The following NTM variants were observed in gnomAD, a reference collection of about 807,000 sequenced individuals.
NTM encodes IgLON family member 2.
Under a neutral mutation model 42.1 loss-of-function variants are expected in NTM, and 13 were observed. The observed-to-expected ratio is 0.31, with a 90% confidence interval of 0.20 to 0.49. The LOEUF (loss-of-function observed/expected upper bound fraction) is 0.49. Ranked by LOEUF, NTM falls within the 20% of genes least tolerant of loss-of-function variation. The probability of loss-of-function intolerance (pLI) is 0.99; values close to 1 mark genes in which losing one functional copy is unlikely to be tolerated. For synonymous variants in NTM, 187 were observed against 179.2 expected (o/e 1.04, Z -0.35); for missense variants, 373 against 452.8 (o/e 0.82, Z 1.60).
At chr11:131,389,024 A>AGAAAAGAAAAGAAAAG (rs1555097640) in intron 1 of NTM, among the ~76,000 whole-genome samples, 13 of 89,908 alleles carry the variant, frequency 1.4e-4, no homozygotes, top group African/African-American at 4.6e-4. Context: ...AAAAAAAAAA[A>AGAAAAGAAAAGAAAAG]AAAAGAAAAG....
chr11:131,891,305 C>T (rs896193238), intron 1 of NTM, among the ~76,000 whole-genome samples: 6 of 151,990 alleles, frequency 3.9e-5, no homozygotes, highest in Admixed American at 2.0e-4. Flanking sequence ...GGAAGGGTTG[C>T]GGGGGCAGTC....
intron 1 of NTM, among the ~76,000 whole-genome samples, chr11:131,429,509 A>G (rs1948477622): frequency 6.6e-6 from 1 of 152,198 alleles, no homozygotes; most frequent in South Asian, 2.1e-4. Flanking sequence ...GCTAATGATA[A>G]TGATGCTTGT....
At chr11:132,149,799 G>A (rs552790951) in intron 3 of NTM, among the ~76,000 whole-genome samples, 10 of 152,238 alleles carry the variant, frequency 6.6e-5, no homozygotes, top group East Asian at 1.9e-4. Flanking sequence ...GGGGGAAGGC[G>A]GCAGAAAGGA....
At chr11:131,755,338 G>T (rs1359064623) in intron 1 of NTM, among the ~76,000 whole-genome samples, 1 of 152,146 alleles carries the variant, frequency 6.6e-6, no homozygotes, top group African/African-American at 2.4e-5. Flanking sequence ...TGGGGGTGAA[G>T]ACTGGCAAGG....
chr11:132,296,017 T>C (rs192582679), intron 4 of NTM, among the ~76,000 whole-genome samples: 22 of 152,164 alleles, frequency 1.4e-4, no homozygotes, highest in Middle Eastern at 3.4e-3. Context: ...GGTTTGTTGA[T>C]TGAAGGTGAG....
At chr11:131,924,960 C>T (rs2057746864) in intron 2 of NTM, among the ~76,000 whole-genome samples, 2 of 152,194 alleles carry the variant, frequency 1.3e-5, no homozygotes, top group Non-Finnish European at 1.5e-5. Flanking sequence ...GTGATTTTTG[C>T]ATGTGTCTGA....
intron 1 of NTM, among the ~76,000 whole-genome samples, chr11:131,453,825 C>T (rs138247791): frequency 3.4e-4 from 52 of 152,300 alleles, no homozygotes; most frequent in African/African-American, 1.2e-3. Flanking sequence ...CCAACATCCA[C>T]ATGTCCCTCC....
chr11:131,749,691 C>T (rs2082244877), intron 1 of NTM, among the ~76,000 whole-genome samples: 1 of 152,110 alleles, frequency 6.6e-6, no homozygotes, highest in African/African-American at 2.4e-5. Context: ...CTCTGCCTTC[C>T]AGGTTCAAGA....
At chr11:132,049,932 T>C (rs995523813) in intron 2 of NTM, among the ~76,000 whole-genome samples, 1 of 152,130 alleles carries the variant, frequency 6.6e-6, no homozygotes, top group African/African-American at 2.4e-5. Context: ...TCCAACAGTT[T>C]TTGATACACA....
chr11:131,526,392 AC>A (rs1182462038), intron 1 of NTM, among the ~76,000 whole-genome samples: 1 of 152,172 alleles, frequency 6.6e-6, no homozygotes, highest in East Asian at 1.9e-4. Flanking sequence ...TGGGCTAATC[AC>A]CATAGATGGG....
At chr11:131,962,981 A>G (rs1316725100) in intron 2 of NTM, among the ~76,000 whole-genome samples, 3 of 152,210 alleles carry the variant, frequency 2.0e-5, no homozygotes, top group African/African-American at 7.2e-5. Flanking sequence ...CGTTTGCTAC[A>G]GGGTGTCAAG....
At chr11:131,795,456 C>A (rs768401062) in intron 1 of NTM, 46 of 985,224 alleles carry the variant, frequency 4.7e-5, no homozygotes, top group Non-Finnish European at 5.2e-5. Flanking sequence ...GCTTGATATG[C>A]AGCTTGTGGA....
chr11:131,471,066 C>A (rs149123542), intron 1 of NTM, among the ~76,000 whole-genome samples: 155 of 152,338 alleles, frequency 1.0e-3, no homozygotes, highest in Middle Eastern at 3.4e-3. Flanking sequence ...ATATTAGATG[C>A]TCAGTGAATT....
At chr11:131,784,392 T>C (rs1404770698) in intron 1 of NTM, among the ~76,000 whole-genome samples, 2 of 150,892 alleles carry the variant, frequency 1.3e-5, no homozygotes, top group African/African-American at 2.4e-5. Context: ...ATTAGATTCA[T>C]ACAGTGAAAT....
At position 132,176,088 on chromosome 11, in the gene NTM, G is replaced by T. The variant is rs376337686; in HGVS notation, c.400+29574G>T. On this transcript the variant is annotated intron_variant, in intron 3 of 8. Transcript: ENST00000683400. ...AGGTTCATTGAATTAATCCATGAAAGAATTCTGTTTGATCAAGTCACATTT... is the reference window on the plus strand; with the variant it reads ...AGGTTCATTGAATTAATCCATGAAATAATTCTGTTTGATCAAGTCACATTT... Among the ~76,000 whole-genome samples the T allele has an allele frequency of 2.8e-4, 43 of 152,230 alleles. 1 individual carries two copies. Among genetic ancestry groups the T allele is most frequent in the African/African-American group, 5.5e-4 (23 of 41,528 alleles).
chr11:131,551,613 C>T (rs776838027), intron 1 of NTM, among the ~76,000 whole-genome samples: 7 of 152,284 alleles, frequency 4.6e-5, no homozygotes, highest in African/African-American at 1.7e-4. Flanking sequence ...TCTCTTTATA[C>T]CTCTGTGAAC....
At chr11:131,769,297 T>A (rs930455297) in intron 1 of NTM, among the ~76,000 whole-genome samples, 3 of 152,194 alleles carry the variant, frequency 2.0e-5, no homozygotes, top group African/African-American at 7.2e-5. Flanking sequence ...TTTTCTCATT[T>A]TTTTTTGAGG....
chr11:132,005,025 A>G (rs1454305887), intron 2 of NTM, among the ~76,000 whole-genome samples: 1 of 152,194 alleles, frequency 6.6e-6, no homozygotes, highest in Non-Finnish European at 1.5e-5. Context: ...TCTGCAAGTG[A>G]TGTGAAAACG....
At chr11:132,271,740 CT>C (rs56312772) in intron 4 of NTM, among the ~76,000 whole-genome samples, 30,859 of 131,734 alleles carry the variant, frequency 0.23, 4,060 homozygotes, top group East Asian at 0.66. Flanking sequence ...ATTGGGTTGT[CT>C]TTTTTTTTTT....
Sources: gnomAD v4.1 joint callset for allele counts (sites outside exome capture counted in the v4.1 genomes callset) on GRCh38, gnomAD v4.1.1 for gene constraint, MANE v1.5 for transcripts, NCBI Gene and HGNC (gene_info 2026-07-23, HGNC 2026-07-21) for gene names.